Variants in KIAA0586 observed in about 807,000 individuals in gnomAD.
The protein encoded by KIAA0586 is KIAA0586.
In KIAA0586, 144 loss-of-function variants were observed where a neutral mutation model predicts 169.8. The ratio of observed to expected loss-of-function variants is 0.85; its 90% CI spans 0.74 to 0.97. KIAA0586 has a LOEUF of 0.97. KIAA0586 is among the 50% of genes least tolerant of loss of function. KIAA0586 has a pLI of 0.00. For missense variants in KIAA0586, 1,854 were observed against 1,823.0 expected, an observed-to-expected ratio of 1.02 and a Z score of -0.31; for synonymous variants, 625 against 612.4, an observed-to-expected ratio of 1.02 and a Z score of -0.30.
At chr14:58,501,420 T>G (rs1274185496) in intron 27 of KIAA0586, among the ~76,000 whole-genome samples, 1 of 152,220 alleles carries the variant, frequency 6.6e-6, no homozygotes, top group African/African-American at 2.4e-5. Flanking sequence ...ACTAGGTGGC[T>G]CTCGCAGATC....
At chr14:58,553,589 G>A (rs2047229603), downstream of KIAA0586, among the ~76,000 whole-genome samples, 1 of 147,768 alleles carries the variant, frequency 6.8e-6, no homozygotes, top group African/African-American at 2.5e-5. Context: ...AAAGCTGTCT[G>A]CTTGACCTGA....
chr14:58,430,645 A>G lies in KIAA0586; in HGVS notation c.271-3A>G. 1 of 1,584,164 alleles carries G rather than the reference A, an allele frequency of 6.3e-7. No individual in the cohort carries two copies. The highest frequency in any genetic ancestry group is 1.8e-5 in the Admixed American group (1 of 56,570). On this transcript the variant is annotated splice_region_variant and splice_polypyrimidine_tract_variant and intron_variant, in intron 2 of 30. Transcript: ENST00000652326. The stretch of plus-strand genomic sequence containing the variant: ...GCCTATTTCTTCCTTTCATATCCCA[A>G]AGGATTTTTCTAAAGACGTTGCAGT...
chr14:58,524,223 A>G (rs984235503), intron 29 of KIAA0586, among the ~76,000 whole-genome samples: 2 of 152,216 alleles, frequency 1.3e-5, no homozygotes, highest in Admixed American at 1.3e-4. Context: ...GTCTTAATGT[A>G]TGGCTGTAAG....
intron 9 of KIAA0586, among the ~76,000 whole-genome samples, chr14:58,455,876 G>C (rs1391129269): frequency 6.6e-6 from 1 of 152,102 alleles, no homozygotes; most frequent in Non-Finnish European, 1.5e-5. Flanking sequence ...TGGACTAGAA[G>C]GCATGACCTT....
At chr14:58,445,543 C>T (rs1191891897) in intron 6 of KIAA0586, among the ~76,000 whole-genome samples, 1 of 149,866 alleles carries the variant, frequency 6.7e-6, no homozygotes, top group East Asian at 2.0e-4. Flanking sequence ...AAGTGATTTT[C>T]ATGCTTCAGC....
chr14:58,439,347 C>T (rs939358434), intron 4 of KIAA0586, among the ~76,000 whole-genome samples: 20 of 152,078 alleles, frequency 1.3e-4, no homozygotes, highest in African/African-American at 3.4e-4. Context: ...CCACCACGCC[C>T]GGCTACTTTT....
intron 5 of KIAA0586, among the ~76,000 whole-genome samples, chr14:58,443,138 C>A (rs2038548350): frequency 6.6e-6 from 1 of 152,182 alleles, no homozygotes; most frequent in South Asian, 2.1e-4. Context: ...CTGGGAAACA[C>A]CTTGGTCCTG....
chr14:58,439,102 T>C (rs774676328), intron 4 of KIAA0586, among the ~76,000 whole-genome samples: 33 of 152,262 alleles, frequency 2.2e-4, no homozygotes, highest in Non-Finnish European at 3.5e-4. Context: ...CCTCTGGGAA[T>C]TGGGCCCTAA....
intron 15 of KIAA0586, among the ~76,000 whole-genome samples, chr14:58,467,168 T>C (rs900086121): frequency 1.3e-5 from 2 of 152,244 alleles, no homozygotes; most frequent in African/African-American, 4.8e-5. Context: ...CTCACACTTT[T>C]AAAGTTCTTA....
In KIAA0586 at chr14:58,432,564, G is replaced by A. The variant is rs2037464760; in HGVS notation, c.410+107G>A. The stretch of plus-strand genomic sequence containing the variant: ...TTTCACTATGTGAAATATATATTGT[G>A]TGATATGTATAAAGCATTTCTCATG... On this transcript the variant is annotated intron_variant, in intron 4 of 30. Transcript: ENST00000652326. The A allele has an allele frequency of 6.5e-6, 4 of 619,738 alleles. No homozygotes were observed. In the East Asian group the frequency reaches 8.9e-5, roughly 14 times the overall value. The allele number at this position is 619,738 out of a possible 1,614,324, so 38.4% of individuals were successfully genotyped here. A position where few individuals can be genotyped will look rare whatever the true frequency, so the allele number is the denominator to read the frequency against.
rs1785727494 is a variant in KIAA0586, at chr14:58,548,824, A to T, written c.*892A>T. 6.6e-6 allele frequency: 1 copy of T among 152,198 alleles called. No individual in the cohort carries two copies. The highest frequency in any genetic ancestry group is 1.5e-5 in the Non-Finnish European group (1 of 68,032). 9.4% of individuals were successfully genotyped at this position (152,198 alleles called of 1,614,324 possible). ...GGAAAATAAAAAGCATTGCTTCGTA[A>T]TCAGATACATGTAGGTTCTAATCCC... On this transcript the variant is annotated 3_prime_UTR_variant, in exon 31 of 31. Transcript: ENST00000652326.
chr14:58,491,955 C>G (rs1460919076), intron 25 of KIAA0586, among the ~76,000 whole-genome samples, 189 bp from the exon 26 acceptor site: 2 of 152,004 alleles, frequency 1.3e-5, no homozygotes, highest in East Asian at 3.8e-4. Context: ...ATATTTGAGG[C>G]AAAGATAGAG....
chr14:58,481,213 G>A (rs17094603), intron 20 of KIAA0586, among the ~76,000 whole-genome samples: 1,747 of 152,284 alleles, frequency 0.011, 39 homozygotes, highest in African/African-American at 0.04. Flanking sequence ...TACTATAGTT[G>A]TGTTACTTAA....
chr14:58,529,059 A>C (rs967444442), intron 29 of KIAA0586, among the ~76,000 whole-genome samples: 1 of 152,218 alleles, frequency 6.6e-6, no homozygotes, highest in Non-Finnish European at 1.5e-5. Context: ...AACCACCATC[A>C]GAGAATACTA....
At chr14:58,496,105 T>C (rs1423402870) in intron 26 of KIAA0586, among the ~76,000 whole-genome samples, 3 of 152,226 alleles carry the variant, frequency 2.0e-5, no homozygotes, top group African/African-American at 7.2e-5. Flanking sequence ...TGGCTTTTCT[T>C]TGTGCTTGAA....
chr14:58,477,821 C>T lies in KIAA0586; in HGVS notation c.2944+580C>T, dbSNP rs574481937. On this transcript the variant is annotated intron_variant, in intron 20 of 30. Transcript: ENST00000652326. The stretch of plus-strand genomic sequence containing the variant: ...CCTTTTCTTCTCCTGCTTCTCTTCC[C>T]GATTTTTTCTTTTCTTCCTCTTCTT... Among the ~76,000 whole-genome samples, 20 of 151,252 alleles carry T rather than the reference C, an allele frequency of 1.3e-4. No individual in the cohort carries two copies. The East Asian group carries it at 3.7e-3, about 28-fold the overall frequency.
At chr14:58,528,278 A>G (rs1370601701) in intron 29 of KIAA0586, among the ~76,000 whole-genome samples, 1 of 152,188 alleles carries the variant, frequency 6.6e-6, no homozygotes, top group Non-Finnish European at 1.5e-5. Flanking sequence ...CCCCACTGTC[A>G]ATATTAGACA....
At chr14:58,462,602 A>T (rs1355759237) in intron 14 of KIAA0586, among the ~76,000 whole-genome samples, 1 of 152,224 alleles carries the variant, frequency 6.6e-6, no homozygotes, top group African/African-American at 2.4e-5. Flanking sequence ...AAGTCTTTGC[A>T]AAAAATAATT....
At chr14:58,517,489 A>G (rs2044849783) in intron 29 of KIAA0586, among the ~76,000 whole-genome samples, 1 of 152,220 alleles carries the variant, frequency 6.6e-6, no homozygotes, top group South Asian at 2.1e-4. Flanking sequence ...TGGTGAGGAT[A>G]TAGATCAATT....
Sources: allele counts gnomAD v4.1 joint callset (sites outside exome capture counted in the v4.1 genomes callset), GRCh38; gene constraint gnomAD v4.1.1; transcripts MANE v1.5; gene names NCBI Gene and HGNC (gene_info 2026-07-23, HGNC 2026-07-21).